Variants in KCNA3 observed in about 807,000 individuals in gnomAD.
KCNA3 encodes potassium voltage-gated channel subfamily A member 3.
In KCNA3, 18 loss-of-function variants were observed where a neutral mutation model predicts 34.3. The observed-to-expected ratio is 0.52, with a 90% confidence interval of 0.36 to 0.78. The LOEUF is 0.78. KCNA3 is among the 30% of genes least tolerant of loss of function. KCNA3 has a pLI of 0.00. For synonymous variants in KCNA3, 324 were observed against 351.7 expected (o/e 0.92, Z 0.88); for missense variants, 587 against 802.5 (o/e 0.73, Z 3.24).
the KCNA3 span, among the ~76,000 whole-genome samples, chr1:110,666,791 C>T: frequency 6.6e-6 from 1 of 151,908 alleles, no homozygotes; most frequent in South Asian, 2.1e-4. Context: ...ATTTGGGAGG[C>T]TAAATGACAA....
chr1:110,659,941 G>T, the KCNA3 span, among the ~76,000 whole-genome samples: 1 of 151,714 alleles, frequency 6.6e-6, no homozygotes, highest in East Asian at 1.9e-4. Flanking sequence ...TGGGGGGCTG[G>T]GGGGCTAGGG....
chr1:110,658,183 G>C, the KCNA3 span, among the ~76,000 whole-genome samples: 2 of 152,050 alleles, frequency 1.3e-5, no homozygotes, highest in Non-Finnish European at 2.9e-5. Flanking sequence ...TATCTGTTTC[G>C]CTGCAGGTAT....
chr1:110,669,062 G>A (rs925720011), downstream of KCNA3, among the ~76,000 whole-genome samples: 2 of 152,174 alleles, frequency 1.3e-5, no homozygotes, highest in Non-Finnish European at 2.9e-5. Context: ...AAAGATCCAT[G>A]GAGTGGTTAG....
the KCNA3 span, chr1:110,653,807 C>T: frequency 6.6e-6 from 1 of 152,030 alleles, no homozygotes; most frequent in Admixed American, 6.5e-5. Flanking sequence ...AAAGGATAAA[C>T]AGAAAAAATA....
chr1:110,674,781 G>T lies in KCNA3; in HGVS notation c.29C>A (p.Ser10Ter). Residue 10 changes from serine to a stop codon, truncating the protein, a stop_gained, in exon 1 of 1, where the codon TCG becomes TAG. Coordinates refer to ENST00000369769, the MANE Select transcript of KCNA3 (RefSeq NM_002232.5). LOFTEE classifies it high-confidence loss of function. The surrounding 1 kb of genome is among the most constrained non-coding windows in gnomAD (Gnocchi z 6.4). MDERLSLLR[S>*]PPPPSARHRA... ...GTGGCGGGCTGAGGGCGGCGGCGGC[G>T]AGCGCAGAAGGCTGAGGCGCTCGTC... The T allele has an allele frequency of 3.0e-6, 4 of 1,339,532 alleles. No individual in the cohort carries two copies. Among genetic ancestry groups the T allele is most frequent in the South Asian group, 2.0e-5 (1 of 49,466 alleles). The allele number at this position is 1,339,532 out of a possible 1,614,324, so 83.0% of individuals were successfully genotyped here. A position where few individuals can be genotyped will look rare whatever the true frequency, so the allele number is the denominator to read the frequency against.
In KCNA3 at chr1:110,674,090, G is replaced by C. The variant is rs1557759477; in HGVS notation, c.720C>G (p.Ser240=). ...CAATGGAGATGAGGATGACCAGCAC[G>C]GACACGATGGCGATGCCCCGGGCCG... ...SGPARGIAIV[S]VLVILISIVI... The change falls in exon 1 of 1, where the codon TCC becomes TCG. Residue 240 remains serine (S), a synonymous_variant. Coordinates refer to ENST00000369769, the MANE Select transcript of KCNA3 (RefSeq NM_002232.5). The surrounding 1 kb of genome is among the most constrained non-coding windows in gnomAD (Gnocchi z 6.4). The C allele has an allele frequency of 4.3e-6, 7 of 1,609,426 alleles. No homozygotes were observed. Among genetic ancestry groups the C allele is most frequent in the African/African-American group, 1.3e-5 (1 of 74,716 alleles).
In KCNA3 at chr1:110,674,627, C is replaced by A; in HGVS notation, c.183G>T (p.Leu61=). 1 of 1,553,178 alleles carries A rather than the reference C, an allele frequency of 6.4e-7. No individual in the cohort carries two copies. The highest frequency in any genetic ancestry group is 1.2e-5 in the South Asian group (1 of 83,874). Residue 61 remains leucine, a synonymous_variant, in exon 1 of 1, where the codon CTG becomes CTT. Transcript: ENST00000369769. The surrounding 1 kb of genome is among the most constrained non-coding windows in gnomAD (Gnocchi z 6.4). The part of the protein sequence containing the change: ...PDMTVVPGDH[L]LEPEVADGGG... The stretch of plus-strand genomic sequence containing the variant: ...CACCATCGGCCACCTCCGGCTCCAG[C>A]AGGTGGTCCCCGGGCACCACGGTCA...
chr1:110,674,120 G>A lies in KCNA3; in HGVS notation c.690C>T (p.Ser230=). 1 of 1,611,808 alleles carries A rather than the reference G, an allele frequency of 6.2e-7. No individual in the cohort carries two copies. The change falls in exon 1 of 1, where the codon TCC becomes TCT. Residue 230 remains serine, a synonymous_variant. Coordinates refer to ENST00000369769, the MANE Select transcript of KCNA3 (RefSeq NM_002232.5). The surrounding 1 kb of genome is among the most constrained non-coding windows in gnomAD (Gnocchi z 6.4). Reference sequence around the variant, plus strand: ...CGATGGCGATGCCCCGGGCCGGCCCGGAGCTCTCGGGGTACTCGAAGAGCA... The same window carrying A: ...CGATGGCGATGCCCCGGGCCGGCCCAGAGCTCTCGGGGTACTCGAAGAGCA... ...VWLLFEYPES[S]GPARGIAIVS...
At chr1:110,666,725 G>C in the KCNA3 span, among the ~76,000 whole-genome samples, 2 of 152,204 alleles carry the variant, frequency 1.3e-5, no homozygotes, top group East Asian at 3.8e-4. Context: ...AGAGATGACA[G>C]TGTGGATTAC....
At position 110,673,178 on chromosome 1, in the gene KCNA3, C is replaced by T. The variant is rs1341641423; in HGVS notation, c.1632G>A (p.Gln544=). Residue 544 remains glutamine (Q), a synonymous_variant, in exon 1 of 1, where the codon CAG becomes CAA. Coordinates refer to ENST00000369769, the MANE Select transcript of KCNA3 (RefSeq NM_002232.5). This position sits in a 1 kb window ranked among gnomAD's most constrained non-coding sequence, Gnocchi z 8.8. ...EGGMNHSAFP[Q]TPFKTGNSTA... Reference sequence around the variant, plus strand: ...TGGAATTGCCCGTTTTGAAAGGGGTCTGGGGGAAAGCGCTATGGTTCATAC... The same window carrying T: ...TGGAATTGCCCGTTTTGAAAGGGGTTTGGGGGAAAGCGCTATGGTTCATAC... 1.9e-6 allele frequency: 3 copies of T among 1,614,108 alleles called. No homozygotes were observed. The highest frequency in any genetic ancestry group is 1.7e-5 in the Admixed American group (1 of 60,014).
At chr1:110,672,246 G>C (rs1651916217), downstream of KCNA3, among the ~76,000 whole-genome samples, 1 of 152,186 alleles carries the variant, frequency 6.6e-6, no homozygotes, top group African/African-American at 2.4e-5. Flanking sequence ...AGGGGTGTCT[G>C]CCACTTTAAT....
At chr1:110,669,711 ATCACT>A (rs1651817998), downstream of KCNA3, among the ~76,000 whole-genome samples, 1 of 152,218 alleles carries the variant, frequency 6.6e-6, no homozygotes, top group African/African-American at 2.4e-5. Context: ...TCTTAGGGAA[ATCACT>A]TAACTTTAAG....
downstream of KCNA3, among the ~76,000 whole-genome samples, chr1:110,667,856 C>T (rs956276634): frequency 6.6e-6 from 1 of 152,070 alleles, no homozygotes; most frequent in South Asian, 2.1e-4. Context: ...ATTATACTTG[C>T]AAACTGAATA....
In KCNA3 at chr1:110,674,492, C is replaced by T; in HGVS notation, c.318G>A (p.Val106=). The T allele has an allele frequency of 1.9e-6, 3 of 1,613,694 alleles. No individual in the cohort carries two copies. Among genetic ancestry groups the T allele is most frequent in the Middle Eastern group, 1.7e-4 (1 of 6,042 alleles). Residue 106 remains valine (V), a synonymous_variant, in exon 1 of 1, where the codon GTG becomes GTA. Transcript: ENST00000369769. The surrounding 1 kb of genome is among the most constrained non-coding windows in gnomAD (Gnocchi z 6.4). ...AGEQDCCGER[V]VINISGLRFE... Reference sequence around the variant, plus strand: ...AGCGCAGCCCGGAGATGTTGATGACCACGCGCTCCCCGCAGCAGTCCTGCT... The same window carrying T: ...AGCGCAGCCCGGAGATGTTGATGACTACGCGCTCCCCGCAGCAGTCCTGCT...
the KCNA3 span, among the ~76,000 whole-genome samples, chr1:110,667,034 T>C: frequency 6.6e-6 from 1 of 152,248 alleles, no homozygotes; most frequent in South Asian, 2.1e-4. Context: ...GTAAATGTAC[T>C]GCAGGATAGG....
At chr1:110,658,944 A>C in the KCNA3 span, among the ~76,000 whole-genome samples, 3 of 152,198 alleles carry the variant, frequency 2.0e-5, no homozygotes, top group Non-Finnish European at 4.4e-5. Context: ...ATTTTGATTA[A>C]AAAATAAAAG....
chr1:110,659,037 T>G, the KCNA3 span, among the ~76,000 whole-genome samples: 1 of 152,198 alleles, frequency 6.6e-6, no homozygotes, highest in Non-Finnish European at 1.5e-5. Flanking sequence ...AGACTTCACT[T>G]ATTTATATGT....
the KCNA3 span, among the ~76,000 whole-genome samples, chr1:110,666,980 A>G: frequency 5.3e-4 from 81 of 152,284 alleles, no homozygotes; most frequent in Middle Eastern, 0.014. Flanking sequence ...GAAATTCACT[A>G]ATTTTCAGAA....
the KCNA3 span, among the ~76,000 whole-genome samples, chr1:110,665,669 A>G: frequency 1.3e-5 from 2 of 152,226 alleles, no homozygotes; most frequent in Non-Finnish European, 2.9e-5. Context: ...ATTTAAAGCT[A>G]TGAGAATAAG....
Sources: allele counts gnomAD v4.1 joint callset (sites outside exome capture counted in the v4.1 genomes callset), GRCh38; gene constraint gnomAD v4.1.1; non-coding constraint Gnocchi (gnomAD v3.1); transcripts MANE v1.5; gene names NCBI Gene and HGNC (gene_info 2026-07-23, HGNC 2026-07-21).